Variants in SUN2 observed in about 807,000 individuals in gnomAD.
SUN2 encodes the protein Sad1 and UNC84 domain containing 2, also known as SUN domain-containing protein 2.
In SUN2, 60 loss-of-function variants were observed where a neutral mutation model predicts 100.0. The observed-to-expected ratio is 0.60, with a 90% CI of 0.49 to 0.74. SUN2 has a LOEUF of 0.74. SUN2 is among the 30% of genes least tolerant of loss of function. SUN2 has a pLI of 0.00. For synonymous variants in SUN2, 367 were observed against 403.3 expected (o/e 0.91, Z 1.08); for missense variants, 834 against 954.6 (o/e 0.87, Z 1.66).
Position 38,739,291 on chromosome 22 carries a change from G to T in SUN2, c.1663+51C>A, listed in dbSNP as rs551621045. 7.2e-5 allele frequency: 114 copies of T among 1,579,530 alleles called. No homozygotes were observed. Among genetic ancestry groups the T allele is most frequent in the Middle Eastern group, 1.7e-4 (1 of 5,978 alleles). ...CCAACCTGGTAGATGCCAGGGGACC[G>T]GCCATTGCGGGGTCCAGGACAAGGC... On this transcript the variant is annotated intron_variant, in intron 14 of 17. Coordinates refer to ENST00000689035, the MANE Select transcript of SUN2 (RefSeq NM_015374.3). This position sits in a 1 kb window ranked among gnomAD's most constrained non-coding sequence, Gnocchi z 6.7.
At chr22:38,749,625 G>T in intron 6 of SUN2, 141 bp downstream of exon 6, 1 of 742,904 alleles carries the variant, frequency 1.3e-6, no homozygotes, top group Non-Finnish European at 2.2e-6. Context: ...CTTTGGGGAA[G>T]CTACTCCGTG....
intron 4 of SUN2, 59 bp from the exon 5 acceptor site, chr22:38,750,379 G>A: frequency 6.2e-7 from 1 of 1,602,300 alleles, no homozygotes; most frequent in African/African-American, 1.3e-5. Flanking sequence ...TTCCTTCACT[G>A]TCTTCTGTGA....
chr22:38,741,547 C>T lies in SUN2; in HGVS notation c.1093G>A (p.Glu365Lys). Residue 365 changes from glutamate to lysine, a missense_variant, in exon 10 of 18, where the codon GAG (glutamate) becomes AAG (lysine). Transcript: ENST00000689035. ...IQEELSALRA[E>K]HQQDSEDLFK... ...AGGTCTTCTGAGTCTTGCTGATGCT[C>T]TGCTCTCAGGGCAGACAGTTCTTCC... 2 of 1,614,102 alleles carry T rather than the reference C, an allele frequency of 1.2e-6. No individual in the cohort carries two copies. Among genetic ancestry groups the T allele is most frequent in the Non-Finnish European group, 1.7e-6 (2 of 1,180,030 alleles).
In SUN2 at chr22:38,755,159, G is replaced by C. The variant is rs991597579; in HGVS notation, c.-38+604C>G. 73 of 1,070,018 alleles carry C rather than the reference G, an allele frequency of 6.8e-5. No homozygotes were observed. The highest frequency in any genetic ancestry group is 7.6e-5 in the Non-Finnish European group (63 of 833,530). The allele number at this position is 1,070,018 out of a possible 1,614,324, so 66.3% of individuals were successfully genotyped here. ...TCTTCAGACTTAAACCAGATCTGGG[G>C]CATCTTCCTCGTGACATTTCCACTC... is the stretch of plus-strand genomic sequence containing the variant. On this transcript the variant is annotated intron_variant, in intron 1 of 17. Transcript: ENST00000689035. This position sits in a 1 kb window ranked among gnomAD's most constrained non-coding sequence, Gnocchi z 5.7.
intron 7 of SUN2, among the ~76,000 whole-genome samples, chr22:38,747,326 C>T (rs531197540): frequency 6.2e-5 from 8 of 128,102 alleles, no homozygotes; most frequent in East Asian, 2.3e-4. Context: ...AGCAAAACTC[C>T]GTCTCAAAAA....
At chr22:38,750,341 G>A (rs2146073094) in intron 4 of SUN2, 21 bp from the exon 5 acceptor site, 2 of 1,613,538 alleles carry the variant, frequency 1.2e-6, no homozygotes, top group African/African-American at 1.3e-5. Context: ...CGAGGACACT[G>A]GCTCAGTCTC....
At position 38,736,127 on chromosome 22, in the gene SUN2, C is replaced by T. The variant is rs1376237446; in HGVS notation, c.*140G>A. On this transcript the variant is annotated 3_prime_UTR_variant, in exon 18 of 18. Transcript: ENST00000689035. ...CACCTGCTGCTCAGGAGACCCTGCC[C>T]GTCCTTTTCATCTGCATGGGGCCAC... 4 of 818,060 alleles carry T rather than the reference C, an allele frequency of 4.9e-6. No homozygotes were observed. Among genetic ancestry groups the T allele is most frequent in the East Asian group, 2.7e-5 (1 of 37,588 alleles). 50.7% of individuals were successfully genotyped at this position (818,060 alleles called of 1,614,324 possible).
At chr22:38,748,870 G>T in intron 6 of SUN2, 87 bp from the exon 7 acceptor site, 1 of 1,371,288 alleles carries the variant, frequency 7.3e-7, no homozygotes, top group Non-Finnish European at 1.0e-6. Context: ...AGTACCCTGA[G>T]ATGTTTTCCT....
In SUN2 at chr22:38,752,501, CCCTA is replaced by C; in HGVS notation, c.122+2_122+5del. 1 of 1,607,848 alleles carries C rather than the reference CCCTA, an allele frequency of 6.2e-7. No homozygotes were observed. Among genetic ancestry groups the C allele is most frequent in the Non-Finnish European group, 8.5e-7 (1 of 1,175,268 alleles). Reference sequence around the variant, plus strand: ...CAGGGGCCGTGGCACTCCCTTGGGTCCCTACCTGAGAGGACTGTCTTTAAACAGG... The same window carrying C: ...CAGGGGCCGTGGCACTCCCTTGGGTCCCTGAGAGGACTGTCTTTAAACAGG... On this transcript the variant is annotated splice_donor_variant and splice_donor_5th_base_variant and intron_variant, in intron 2 of 17. Coordinates refer to ENST00000689035, the MANE Select transcript of SUN2 (RefSeq NM_015374.3). LOFTEE classifies it high-confidence loss of function.
rs1442161052 is a variant in SUN2, at chr22:38,740,324, G to A, written c.1299C>T (p.Ser433=). 2 of 1,602,016 alleles carry A rather than the reference G, an allele frequency of 1.2e-6. No individual in the cohort carries two copies. Among genetic ancestry groups the A allele is most frequent in the African/African-American group, 1.3e-5 (1 of 74,706 alleles). Residue 433 remains serine, a synonymous_variant, in exon 12 of 18, where the codon AGC becomes AGT. Transcript: ENST00000689035. The surrounding 1 kb of genome is among the most constrained non-coding windows in gnomAD (Gnocchi z 4.8). The part of the protein sequence containing the change: ...QELAALALKQ[S]SVAEEVGLLP... ...GCAGGCCCACTTCTTCCGCCACCGA[G>A]CTCTGCTTCAGTGCCAGAGCCGCCA...
chr22:38,743,983 C>G (rs2092881463), intron 8 of SUN2: 1 of 152,190 alleles, frequency 6.6e-6, no homozygotes, highest in Non-Finnish European at 1.5e-5. Flanking sequence ...TGGCTCACGC[C>G]TGTAATCCCA....
intron 7 of SUN2, among the ~76,000 whole-genome samples, chr22:38,747,941 TCAAAA>T (rs1225460094): frequency 2.6e-5 from 4 of 152,180 alleles, no homozygotes; most frequent in South Asian, 2.1e-4. Context: ...AGACTTTGTC[TCAAAA>T]CAAACAAAAA....
Position 38,740,264 on chromosome 22 carries a change from C to CA in SUN2, c.1356+2dup. ...CAGCAGGGCCCTGGTGGTTCCCACT[C>CA]ACGTCGTCCCGCACGGCCTGGATCT... is the stretch of plus-strand genomic sequence containing the variant. On this transcript the variant is annotated splice_region_variant and intron_variant, in intron 12 of 17. Transcript: ENST00000689035. The surrounding 1 kb of genome is among the most constrained non-coding windows in gnomAD (Gnocchi z 4.8). 1.3e-6 allele frequency: 2 copies of CA among 1,569,730 alleles called. No homozygotes were observed. Among genetic ancestry groups the CA allele is most frequent in the Non-Finnish European group, 1.7e-6 (2 of 1,156,462 alleles).
At position 38,755,570 on chromosome 22, in the gene SUN2, A is replaced by AGGCGG. The variant is rs1335684291; in HGVS notation, c.-38+188_-38+192dup. ...CCTCCCGGCTGACCAGTGGCGCGGCAGGCGGGGCGGGGGCCAGGAGGTGAG... is the reference window on the plus strand; with the variant it reads ...CCTCCCGGCTGACCAGTGGCGCGGCAGGCGGGGCGGGGCGGGGGCCAGGAGGTGAG... On this transcript the variant is annotated intron_variant, in intron 1 of 17. Transcript: ENST00000689035. This position sits in a 1 kb window ranked among gnomAD's most constrained non-coding sequence, Gnocchi z 5.7. 78 of 960,556 alleles carry AGGCGG rather than the reference A, an allele frequency of 8.1e-5. No homozygotes were observed. The highest frequency in any genetic ancestry group is 9.0e-5 in the Non-Finnish European group (73 of 807,168). 59.5% of individuals were successfully genotyped at this position (960,556 alleles called of 1,614,324 possible). A position where few individuals can be genotyped will look rare whatever the true frequency, so the allele number is the denominator to read the frequency against.
chr22:38,736,526 A>C (rs1310253973), intron 17 of SUN2, 146 bp from the exon 18 acceptor site: 1 of 602,594 alleles, frequency 1.7e-6, no homozygotes, highest in African/African-American at 1.9e-5. Flanking sequence ...AGGCTTCAAA[A>C]GCTCCTATCT....
chr22:38,754,903 A>G (rs1377722362), intron 1 of SUN2: 3 of 1,289,164 alleles, frequency 2.3e-6, no homozygotes, highest in Non-Finnish European at 3.0e-6. Flanking sequence ...TTTACCATTG[A>G]GTCTGGGTTT....
rs766230597 is a variant in SUN2, at chr22:38,742,353, C to A, written c.1016G>T (p.Arg339Leu). The A allele has an allele frequency of 2.5e-6, 4 of 1,611,996 alleles. No individual in the cohort carries two copies. In the South Asian group the frequency reaches 3.3e-5, roughly 13 times the overall value. The change falls in exon 9 of 18, where the codon CGT becomes CTT. Residue 339 changes from arginine (R) to leucine (L), a missense_variant. This residue lies in a region of SUN2 where 559 missense variants were observed against 597.7 expected (regional missense o/e 0.94). Coordinates refer to ENST00000689035, the MANE Select transcript of SUN2 (RefSeq NM_015374.3). The part of the protein sequence containing the change: ...LALLEGLVSR[R>L]EAALKEDFRR... ...GAAATCCTCCTTCAGGGCAGCTTCACGGCGGCTCACTAGCCCCTCCAGCAG... is the reference window on the plus strand; with the variant it reads ...GAAATCCTCCTTCAGGGCAGCTTCAAGGCGGCTCACTAGCCCCTCCAGCAG...
At position 38,741,028 on chromosome 22, in the gene SUN2, T is replaced by TC; in HGVS notation, c.1168_1169insG (p.Gln390ArgfsTer152). 6.3e-7 allele frequency: 1 copy of TC among 1,598,558 alleles called. No homozygotes were observed. On this transcript the variant is annotated frameshift_variant, in exon 11 of 18. Transcript: ENST00000689035. LOFTEE classifies it high-confidence loss of function. ...GTACCTTTGCCACTCTGACTTCAGCTGCTGGATGCGAGCCTCGGACTCCTG... is the reference window on the plus strand; with the variant it reads ...GTACCTTTGCCACTCTGACTTCAGCTCGCTGGATGCGAGCCTCGGACTCCTG...
At chr22:38,750,008 CCACCTGCCCA>C in intron 5 of SUN2, 149 bp from the exon 6 acceptor site, 1 of 1,061,978 alleles carries the variant, frequency 9.4e-7, no homozygotes, top group Non-Finnish European at 1.3e-6. Context: ...TCCTTGGATC[CCACCTGCCCA>C]CACCCTCTGT....
Sources: gnomAD v4.1 joint callset for allele counts (sites outside exome capture counted in the v4.1 genomes callset) on GRCh38, gnomAD v4.1.1 for gene constraint, gnomAD v4.1.1 regional missense constraint, Gnocchi (gnomAD v3.1) non-coding constraint, MANE v1.5 for transcripts, NCBI Gene and HGNC (gene_info 2026-07-23, HGNC 2026-07-21) for gene names.